The following ANAPC11 variants were observed in gnomAD, a reference collection of about 807,000 sequenced individuals.
The protein encoded by ANAPC11 is anaphase-promoting complex subunit 11.
In ANAPC11, 5 loss-of-function variants were observed where a neutral mutation model predicts 11.8. The observed-to-expected ratio is 0.42, with a 90% CI of 0.22 to 0.89. The LOEUF is 0.89. Ranked by LOEUF, ANAPC11 falls within the 40% of genes least tolerant of loss-of-function variation. ANAPC11 has a pLI of 0.28. For missense variants in ANAPC11, 68 were observed against 112.9 expected, an observed-to-expected ratio of 0.60 and a Z score of 1.80; for synonymous variants, 45 against 41.0, an observed-to-expected ratio of 1.10 and a Z score of -0.38.
intron 3 of ANAPC11, among the ~76,000 whole-genome samples, chr17:81,896,237 A>G (rs956964474): frequency 1.1e-4 from 17 of 152,146 alleles, no homozygotes; most frequent in Admixed American, 9.8e-4. Flanking sequence ...CCTGGCCAAC[A>G]TGGTAAAATC....
At chr17:81,899,158 C>G in intron 3 of ANAPC11, 1 of 1,396,842 alleles carries the variant, frequency 7.2e-7, no homozygotes, top group African/African-American at 1.4e-5. Context: ...AGCAGCTGTT[C>G]CTCAGGGGTT....
chr17:81,899,833 G>T, intron 3 of ANAPC11, 87 bp from the exon 4 acceptor site: 2 of 1,368,200 alleles, frequency 1.5e-6, no homozygotes, highest in Non-Finnish European at 2.0e-6. Flanking sequence ...ACTGCCCAGG[G>T]TCCCTACCTG....
upstream of ANAPC11, chr17:81,891,555 G>A (rs1236752861): frequency 1.4e-6 from 2 of 1,437,194 alleles, no homozygotes; most frequent in Non-Finnish European, 1.8e-6. Context: ...CATTTTGTCG[G>A]CCATGGCGGG....
upstream of ANAPC11, chr17:81,890,888 C>G: frequency 6.2e-7 from 1 of 1,605,126 alleles, no homozygotes; most frequent in Non-Finnish European, 8.5e-7. Context: ...ACCCTCACGG[C>G]TACTCCGGAC....
At chr17:81,894,707 T>G (rs924232925) in intron 3 of ANAPC11, 121 bp downstream of exon 3, 2 of 479,620 alleles carry the variant, frequency 4.2e-6, no homozygotes, top group Non-Finnish European at 3.5e-6. Flanking sequence ...AATACCCAGT[T>G]TCATTTTCTT....
rs1036862592 is a variant in ANAPC11, at chr17:81,893,890, C to T, written c.-12+276C>T. 4.6e-5 allele frequency among the ~76,000 whole-genome samples: 7 copies of T among 151,512 alleles called. No individual in the cohort carries two copies. The South Asian group carries it at 1.2e-3, about 27-fold the overall frequency. The stretch of plus-strand genomic sequence containing the variant: ...GGGATCACAGGTGTGAGCCACAAAG[C>T]GGATTGCTGCTGGGGCTTGCTGTTC... On this transcript the variant is annotated intron_variant, in intron 2 of 3. Transcript: ENST00000344877.
chr17:81,893,290 C>T (rs1259812625), intron 1 of ANAPC11: 2 of 152,288 alleles, frequency 1.3e-5, no homozygotes, highest in Admixed American at 1.3e-4. Flanking sequence ...GACAGGGTTT[C>T]AGTATGTTGG....
chr17:81,894,720 T>TC, intron 3 of ANAPC11, 134 bp downstream of exon 3: 1 of 460,496 alleles, frequency 2.2e-6, no homozygotes, highest in East Asian at 3.6e-5. Context: ...ATTTTCTTTT[T>TC]TTTTTTTTTT....
chr17:81,896,418 A>C (rs1045440382), intron 3 of ANAPC11, among the ~76,000 whole-genome samples: 4 of 152,160 alleles, frequency 2.6e-5, no homozygotes, highest in Non-Finnish European at 4.4e-5. Context: ...GTGAAACTCC[A>C]TCTCAAAAAA....
At chr17:81,895,937 AAAAC>A (rs760383889) in intron 3 of ANAPC11, among the ~76,000 whole-genome samples, 1 of 152,184 alleles carries the variant, frequency 6.6e-6, no homozygotes, top group Non-Finnish European at 1.5e-5. Flanking sequence ...TCCATCTCAA[AAAAC>A]AAACAAAAAA....
chr17:81,891,371 G>T, upstream of ANAPC11: 4 of 1,145,312 alleles, frequency 3.5e-6, no homozygotes, highest in Non-Finnish European at 4.3e-6. Flanking sequence ...CGGCCGCGCC[G>T]CGGGCGATGG....
At chr17:81,895,039 T>C (rs1424603466) in intron 3 of ANAPC11, among the ~76,000 whole-genome samples, 1 of 147,988 alleles carries the variant, frequency 6.8e-6, no homozygotes, top group Non-Finnish European at 1.5e-5. Flanking sequence ...TTTCTTTTCT[T>C]TCTTTCTTTT....
intron 3 of ANAPC11, among the ~76,000 whole-genome samples, chr17:81,896,821 TTTTTTTTTTG>T (rs1401357103): frequency 6.5e-5 from 8 of 123,966 alleles, no homozygotes; most frequent in Non-Finnish European, 9.0e-5. Flanking sequence ...TTTTTTTTTT[TTTTTTTTTTG>T]AGATAGAGTC....
rs1459552988 is a variant in ANAPC11 at position 81,894,816 on chromosome 17, C to T, written c.109+230C>T. 2.4e-5 allele frequency: 10 copies of T among 414,030 alleles called. No individual in the cohort carries two copies. The Middle Eastern group carries it at 2.5e-3, about 102-fold the overall frequency. The allele number at this position is 414,030 out of a possible 1,614,324, so 25.6% of individuals were successfully genotyped here. On this transcript the variant is annotated intron_variant, in intron 3 of 3. Transcript: ENST00000344877. ...TGCCGCAACCTCTGCCTCCCGGGTT[C>T]AAACGGTTCTCCTGCCTCAGCCTTC...
chr17:81,899,654 C>A, intron 3 of ANAPC11: 1 of 1,310,762 alleles, frequency 7.6e-7, no homozygotes. Flanking sequence ...GCATGATGAG[C>A]CTGGGTGAGG....
chr17:81,894,501 GAA>G lies in ANAPC11; in HGVS notation c.25_26del (p.Asn9ArgfsTer12). 6.2e-7 allele frequency: 1 copy of G among 1,612,948 alleles called. No homozygotes were observed. The highest frequency in any genetic ancestry group is 1.1e-5 in the South Asian group (1 of 90,996). ...CCATGAAGGTGAAGATTAAGTGCTG[GAA>G]CGGCGTGGCCACTTGGCTCTGGGTG... MKVKIKCW[N>X]GVATWLWVAN... On this transcript the variant is annotated frameshift_variant, in exon 3 of 4. Coordinates refer to ENST00000344877, the MANE Select transcript of ANAPC11 (RefSeq NM_001002248.3). LOFTEE classifies it high-confidence loss of function.
chr17:81,893,340 C>T (rs2039618181), intron 1 of ANAPC11, among the ~76,000 whole-genome samples: 1 of 152,120 alleles, frequency 6.6e-6, no homozygotes, highest in Admixed American at 6.5e-5. Flanking sequence ...GATCTGCCTG[C>T]CTCAGCCTCC....
At chr17:81,892,902 G>C (rs961076150) in intron 1 of ANAPC11, among the ~76,000 whole-genome samples, 1 of 152,084 alleles carries the variant, frequency 6.6e-6, no homozygotes, top group Non-Finnish European at 1.5e-5. Context: ...CCGTCACCCA[G>C]AGTGGAGTGC....
chr17:81,891,428 G>C, upstream of ANAPC11: 1 of 1,015,660 alleles, frequency 9.8e-7, no homozygotes, highest in Non-Finnish European at 1.2e-6. Flanking sequence ...CTCGCGCGGC[G>C]GCCTGCGCCC....
Sources: gnomAD v4.1 joint callset for allele counts (sites outside exome capture counted in the v4.1 genomes callset) on GRCh38, gnomAD v4.1.1 for gene constraint, MANE v1.5 for transcripts, NCBI Gene and HGNC (gene_info 2026-07-23, HGNC 2026-07-21) for gene names.